The following RFX4 variants were observed in gnomAD, a reference collection of about 807,000 sequenced individuals.
The protein encoded by RFX4 is transcription factor RFX4.
In RFX4, 10 loss-of-function variants were observed where a neutral mutation model predicts 95.0. The observed-to-expected ratio is 0.11, with a 90% CI of 0.06 to 0.18. RFX4 has a LOEUF of 0.18. Ranked by LOEUF, RFX4 falls within the 10% of genes least tolerant of loss-of-function variation. The pLI is 1.00. For missense variants in RFX4, 640 were observed against 922.0 expected, an observed-to-expected ratio of 0.69 and a Z score of 3.96; for synonymous variants, 321 against 340.7, an observed-to-expected ratio of 0.94 and a Z score of 0.64.
intron 1 of RFX4, chr12:106,601,332 G>A (rs375743641): frequency 1.6e-5 from 26 of 1,586,766 alleles, no homozygotes; most frequent in South Asian, 5.7e-5. Flanking sequence ...AGGCCTCGAC[G>A]GCGCCGTTCC....
chr12:106,680,105 A>G (rs562662291), intron 4 of RFX4, among the ~76,000 whole-genome samples: 4 of 152,316 alleles, frequency 2.6e-5, no homozygotes, highest in African/African-American at 9.6e-5. Context: ...TCACCATGAG[A>G]TGGTATTTTA....
Position 106,762,415 on chromosome 12 carries a change from T to G in RFX4, c.*946T>G, listed in dbSNP as rs1260090976. The G allele has an allele frequency of 6.6e-6, 1 of 152,592 alleles. No homozygotes were observed. Among genetic ancestry groups the G allele is most frequent in the African/African-American group, 2.4e-5 (1 of 41,442 alleles). The allele number at this position is 152,592 out of a possible 1,614,324, so 9.5% of individuals were successfully genotyped here. ...TAAAACTATAATAATATCCGACACT[T>G]TGATAGAAAAAAATTCAAAGCTGTG... On this transcript the variant is annotated 3_prime_UTR_variant, in exon 18 of 18. Transcript: ENST00000392842.
intron 2 of RFX4, 105 bp from the exon 3 acceptor site, chr12:106,639,227 A>C (rs2040570252): frequency 1.1e-6 from 1 of 925,196 alleles, no homozygotes. Flanking sequence ...AAGCATCAAC[A>C]TTTCAAAGAA....
chr12:106,723,841 T>A lies in RFX4; in HGVS notation c.1351+2965T>A, dbSNP rs190368745. 3.3e-5 allele frequency among the ~76,000 whole-genome samples: 5 copies of A among 152,164 alleles called. No homozygotes were observed. The East Asian group carries it at 9.6e-4, about 29-fold the overall frequency. On this transcript the variant is annotated intron_variant, in intron 13 of 17. Coordinates refer to ENST00000392842, the MANE Select transcript of RFX4 (RefSeq NM_213594.3). The stretch of plus-strand genomic sequence containing the variant: ...GAATTGCTTTCCCTGTAGTCAGGAG[T>A]GGAAGTAAAAACCCAGAGAAGAGAG...
intron 8 of RFX4, among the ~76,000 whole-genome samples, chr12:106,696,966 G>T (rs2041892062): frequency 6.6e-6 from 1 of 152,156 alleles, no homozygotes; most frequent in Non-Finnish European, 1.5e-5. Context: ...CAGAGGTGGG[G>T]CATATGCTGA....
intron 7 of RFX4, 81 bp downstream of exon 7, chr12:106,689,445 A>G (rs2041733761): frequency 4.3e-6 from 5 of 1,172,230 alleles, no homozygotes; most frequent in Non-Finnish European, 6.4e-6. Context: ...AGCTCCTGCT[A>G]GGTGCCAGGC....
At chr12:106,705,981 A>G (rs1181325528) in intron 8 of RFX4, among the ~76,000 whole-genome samples, 1 of 152,250 alleles carries the variant, frequency 6.6e-6, no homozygotes, top group East Asian at 1.9e-4. Flanking sequence ...AGTTGACGTA[A>G]CAACAAACTG....
chr12:106,732,492 A>T (rs1332206944), intron 14 of RFX4, among the ~76,000 whole-genome samples: 2 of 152,112 alleles, frequency 1.3e-5, no homozygotes, highest in Non-Finnish European at 2.9e-5. Context: ...TTCAGACCAG[A>T]GTTCAAGACC....
chr12:106,751,781 G>A (rs2043010966), intron 17 of RFX4, among the ~76,000 whole-genome samples: 1 of 152,120 alleles, frequency 6.6e-6, no homozygotes, highest in Non-Finnish European at 1.5e-5. Context: ...TTTTGATGGG[G>A]TTGTTCGTTT....
At chr12:106,599,414 G>C (rs2039666987) in intron 1 of RFX4, among the ~76,000 whole-genome samples, 1 of 152,092 alleles carries the variant, frequency 6.6e-6, no homozygotes, top group Non-Finnish European at 1.5e-5. Flanking sequence ...GTTCGAGTCA[G>C]ATTCAAATCC....
chr12:106,725,567 CTT>C (rs1048784181), intron 13 of RFX4, among the ~76,000 whole-genome samples: 1 of 152,056 alleles, frequency 6.6e-6, no homozygotes, highest in Non-Finnish European at 1.5e-5. Flanking sequence ...TACTAGGTAA[CTT>C]TAGGCTTTGT....
At chr12:106,603,489 A>G (rs1039539062) in intron 1 of RFX4, among the ~76,000 whole-genome samples, 3 of 152,244 alleles carry the variant, frequency 2.0e-5, no homozygotes, top group African/African-American at 7.2e-5. Flanking sequence ...CATAGGCATT[A>G]TCTGCCTCCT....
intron 8 of RFX4, among the ~76,000 whole-genome samples, chr12:106,700,100 C>T (rs1409881338): frequency 1.3e-5 from 2 of 152,110 alleles, no homozygotes; most frequent in African/African-American, 2.4e-5. Flanking sequence ...GGCACAAACA[C>T]AGCTCACTGC....
intron 17 of RFX4, among the ~76,000 whole-genome samples, chr12:106,756,854 C>A (rs982656843): frequency 6.6e-5 from 10 of 152,154 alleles, no homozygotes; most frequent in Admixed American, 1.3e-4. Flanking sequence ...AGATCTGTCT[C>A]CCTCACTGTA....
At chr12:106,735,410 T>A (rs1025873506) in intron 15 of RFX4, among the ~76,000 whole-genome samples, 3 of 152,152 alleles carry the variant, frequency 2.0e-5, no homozygotes, top group African/African-American at 7.2e-5. Context: ...CAAGGCTTTT[T>A]AGACCAAAAG....
intron 4 of RFX4, among the ~76,000 whole-genome samples, chr12:106,657,877 A>C (rs1388668035): frequency 6.6e-6 from 1 of 152,014 alleles, no homozygotes; most frequent in South Asian, 2.1e-4. Flanking sequence ...ATATTTATAC[A>C]TTTATATAGT....
chr12:106,671,372 G>C (rs1014868862), intron 4 of RFX4, among the ~76,000 whole-genome samples: 4 of 152,146 alleles, frequency 2.6e-5, no homozygotes, highest in Admixed American at 2.0e-4. Flanking sequence ...TGATGAGACT[G>C]AATGGCCTTC....
At chr12:106,589,431 G>A (rs2039507548) in intron 1 of RFX4, among the ~76,000 whole-genome samples, 1 of 152,168 alleles carries the variant, frequency 6.6e-6, no homozygotes, top group South Asian at 2.1e-4. Context: ...GAGCTTAGAG[G>A]AAAGGATGCT....
chr12:106,657,863 A>C (rs557810062), intron 4 of RFX4, among the ~76,000 whole-genome samples: 213 of 152,280 alleles, frequency 1.4e-3, no homozygotes, highest in Non-Finnish European at 2.5e-3. Context: ...GACTTGAAAT[A>C]GATATATTTA....
Sources: gnomAD v4.1 joint callset for allele counts (sites outside exome capture counted in the v4.1 genomes callset) on GRCh38, gnomAD v4.1.1 for gene constraint, MANE v1.5 for transcripts, NCBI Gene and HGNC (gene_info 2026-07-23, HGNC 2026-07-21) for gene names.